Variants in PHYKPL observed in about 807,000 individuals in gnomAD.
The protein encoded by PHYKPL is 5-phosphohydroxy-L-lysine phospho-lyase.
Under a neutral mutation model 51.3 loss-of-function variants are expected in PHYKPL, and 42 were observed. The ratio of observed to expected loss-of-function variants is 0.82; its 90% confidence interval spans 0.64 to 1.06. The LOEUF (loss-of-function observed/expected upper bound fraction) is 1.06, where lower values mean the gene tolerates loss of function less well. Among genes scored for constraint, PHYKPL ranks in the 50% least tolerant of loss-of-function variants. The probability of loss-of-function intolerance (pLI) is 0.00; values close to 1 mark genes in which losing one functional copy is unlikely to be tolerated. For synonymous variants in PHYKPL, 264 were observed against 236.0 expected (o/e 1.12, Z -1.09); for missense variants, 655 against 586.6 (o/e 1.12, Z -1.20).
chr5:178,215,034 C>G lies in PHYKPL; in HGVS notation c.1083-149G>C. The G allele has an allele frequency of 4.7e-6, 4 of 845,894 alleles. No individual in the cohort carries two copies. In the East Asian group the frequency reaches 1.1e-4, roughly 22 times the overall value. The allele number at this position is 845,894 out of a possible 1,614,324, so 52.4% of individuals were successfully genotyped here. A position where few individuals can be genotyped will look rare whatever the true frequency, so the allele number is the denominator to read the frequency against. On this transcript the variant is annotated intron_variant, in intron 9 of 12. Transcript: ENST00000308158. ...TGGTGAGAATAGTTTCAGGGAATAA[C>G]TGGGCTGGGAGAGATCTTTGGTGTG... is the stretch of plus-strand genomic sequence containing the variant.
At chr5:178,231,846 G>C in intron 1 of PHYKPL, 1 of 1,346,772 alleles carries the variant, frequency 7.4e-7, no homozygotes, top group Non-Finnish European at 9.8e-7. Context: ...CGTCCCATGG[G>C]GACTCCATAA....
chr5:178,230,323 G>T, intron 2 of PHYKPL: 2 of 543,578 alleles, frequency 3.7e-6, no homozygotes, highest in Non-Finnish European at 6.6e-6. Context: ...TTCAGCAGAA[G>T]AACCCTGTCT....
rs1763740203 is a variant in PHYKPL at position 178,232,500 on chromosome 5, C to T, written c.51G>A (p.Arg17=). The change falls in exon 1 of 13, where the codon CGG becomes CGA. Residue 17 remains arginine (R), a synonymous_variant. Coordinates refer to ENST00000308158, the MANE Select transcript of PHYKPL (RefSeq NM_153373.4). ...GCCCCCCGCCCGGGTACCTGATGAG[C>T]CGTTGCCTCAGGGCCAGCGTGTCGG... The part of the protein sequence containing the change: ...PKADTLALRQ[R]LISSSCRLFF... The T allele has an allele frequency of 7.5e-7, 1 of 1,326,400 alleles. No homozygotes were observed. 82.2% of individuals were successfully genotyped at this position (1,326,400 alleles called of 1,614,324 possible). A position where few individuals can be genotyped will look rare whatever the true frequency, so the allele number is the denominator to read the frequency against.
chr5:178,226,717 C>A (rs1216055409), intron 3 of PHYKPL: 1 of 151,940 alleles, frequency 6.6e-6, no homozygotes, highest in African/African-American at 2.4e-5. Context: ...AGTTTTATGA[C>A]CCACCATCAG....
In PHYKPL at chr5:178,225,340, G is replaced by GT; in HGVS notation, c.413+14dup. On this transcript the variant is annotated intron_variant, in intron 4 of 12. Coordinates refer to ENST00000308158, the MANE Select transcript of PHYKPL (RefSeq NM_153373.4). The stretch of plus-strand genomic sequence containing the variant: ...CCAGGCTTCTGGGAACGGTAGGGCT[G>GT]TGAGTTGCACTTACTGATCTAATAC... The GT allele has an allele frequency of 6.2e-7, 1 of 1,614,140 alleles. No individual in the cohort carries two copies. The highest frequency in any genetic ancestry group is 8.5e-7 in the Non-Finnish European group (1 of 1,179,978).
chr5:178,232,402 C>CGTGCGTA (rs1471142481), intron 1 of PHYKPL, 90 bp downstream of exon 1: 1 of 1,336,664 alleles, frequency 7.5e-7, no homozygotes, highest in East Asian at 3.2e-5. Flanking sequence ...GCCGGAGGCG[C>CGTGCGTA]GTGCGTAGTG....
At chr5:178,231,833 C>G (rs1763508288) in intron 1 of PHYKPL, 4 of 1,359,768 alleles carry the variant, frequency 2.9e-6, no homozygotes, top group Non-Finnish European at 3.9e-6. Flanking sequence ...AAGGTGGCTG[C>G]CCCGTCCCAT....
chr5:178,212,088 ACCCATGT>A, intron 11 of PHYKPL, 118 bp from the exon 12 acceptor site: 1 of 1,042,396 alleles, frequency 9.6e-7, no homozygotes, highest in East Asian at 2.5e-5. Flanking sequence ...GGCTATCCAC[ACCCATGT>A]CCCATTCCCC....
Position 178,213,087 on chromosome 5 carries a change from C to T in PHYKPL, c.1189G>A (p.Val397Ile), listed in dbSNP as rs764115696. 36 of 1,614,038 alleles carry T rather than the reference C, an allele frequency of 2.2e-5. No individual in the cohort carries two copies. Among genetic ancestry groups the T allele is most frequent in the Middle Eastern group, 1.6e-4 (1 of 6,062 alleles). The change falls in exon 11 of 13, where the codon GTT becomes ATT. Residue 397 changes from valine (V) to isoleucine (I), a missense_variant. By Grantham distance (29) the Val-to-Ile change is conservative. Transcript: ENST00000308158. ...YLVSRLKENY[V>I]LLSTDGPGRN... ...CCAGGGCCATCAGTGCTCAGCAAAACGTAGTTCTCCTTCAGCCTGTGAGGA... is the reference window on the plus strand; with the variant it reads ...CCAGGGCCATCAGTGCTCAGCAAAATGTAGTTCTCCTTCAGCCTGTGAGGA...
chr5:178,226,537 G>A (rs932692268), intron 3 of PHYKPL: 4 of 152,198 alleles, frequency 2.6e-5, no homozygotes, highest in Non-Finnish European at 5.9e-5. Context: ...GAGGTATGAA[G>A]GAAGGGCATG....
At chr5:178,231,356 C>T (rs751409656) in intron 2 of PHYKPL, 49 bp downstream of exon 2, 136 of 1,613,256 alleles carry the variant, frequency 8.4e-5, no homozygotes, top group Non-Finnish European at 6.8e-6. Flanking sequence ...ACCAGGTTCA[C>T]AGCACTGCCT....
At chr5:178,232,358 G>A in intron 1 of PHYKPL, 134 bp downstream of exon 1, 1 of 1,290,180 alleles carries the variant, frequency 7.8e-7, no homozygotes, top group East Asian at 3.3e-5. Flanking sequence ...GGCCGGGGCA[G>A]CGGCCGGACG....
chr5:178,214,411 C>T (rs1333695518), intron 10 of PHYKPL, among the ~76,000 whole-genome samples: 3 of 152,122 alleles, frequency 2.0e-5, no homozygotes, highest in Admixed American at 6.6e-5. Flanking sequence ...CTAGTGCTGC[C>T]ACAGCTCCCT....
intron 1 of PHYKPL, chr5:178,232,154 A>G: frequency 1.7e-6 from 2 of 1,199,632 alleles, no homozygotes; most frequent in Non-Finnish European, 2.1e-6. Flanking sequence ...AGGTCCTCTC[A>G]GGCGCCAGGG....
At position 178,231,417 on chromosome 5, in the gene PHYKPL, T is replaced by C; in HGVS notation, c.166A>G (p.Asn56Asp). The C allele has an allele frequency of 6.2e-7, 1 of 1,614,208 alleles. No individual in the cohort carries two copies. The change falls in exon 2 of 13, where the codon AAT becomes GAT. Residue 56 changes from asparagine (N) to aspartate (D), a missense_variant. Coordinates refer to ENST00000308158, the MANE Select transcript of PHYKPL (RefSeq NM_153373.4). ...GTGTGATACTGACCGTGCGCCACAT[T>C]GCTGATGCAATCGATGTATTCTGCC... ...QGAEYIDCIS[N>D]VAHVGHCHPL...
At chr5:178,224,821 CAAGG>C in intron 4 of PHYKPL, 92 bp from the exon 5 acceptor site, 6 of 973,314 alleles carry the variant, frequency 6.2e-6, no homozygotes, top group Non-Finnish European at 6.1e-6. Flanking sequence ...TGAAGACACA[CAAGG>C]GAGGCCAACT....
chr5:178,232,423 T>G, intron 1 of PHYKPL, 69 bp downstream of exon 1: 1 of 1,361,448 alleles, frequency 7.3e-7, no homozygotes, highest in South Asian at 1.7e-5. Flanking sequence ...CGTGCGTGCG[T>G]GCGTCGTGCG....
At chr5:178,210,057 G>A in intron 12 of PHYKPL, 1 of 1,577,914 alleles carries the variant, frequency 6.3e-7, no homozygotes, top group South Asian at 1.2e-5. Context: ...CACCCCAAAG[G>A]GCAGGATTTC....
At chr5:178,231,232 A>G (rs1035768155) in intron 2 of PHYKPL, among the ~76,000 whole-genome samples, 173 bp downstream of exon 2, 1 of 152,196 alleles carries the variant, frequency 6.6e-6, no homozygotes, top group Non-Finnish European at 1.5e-5. Flanking sequence ...GCACAGCTCC[A>G]GATTGCAGAA....
Sources: gnomAD v4.1 joint callset for allele counts (sites outside exome capture counted in the v4.1 genomes callset) on GRCh38, gnomAD v4.1.1 for gene constraint, MANE v1.5 for transcripts, NCBI Gene and HGNC (gene_info 2026-07-23, HGNC 2026-07-21) for gene names.